BRCA1: variants seen among roughly 807,000 people sequenced by gnomAD.
BRCA1 encodes breast cancer type 1 susceptibility protein.
BRCA1 carries 140 observed loss-of-function variants against 173.7 expected under a neutral mutation model. The observed-to-expected ratio is 0.81, with a 90% CI of 0.70 to 0.93. The LOEUF (loss-of-function observed/expected upper bound fraction) is 0.93. BRCA1 is among the 40% of genes least tolerant of loss of function. The probability of loss-of-function intolerance (pLI) is 0.00; values close to 1 mark genes in which losing one functional copy is unlikely to be tolerated. For missense variants in BRCA1, 1,983 were observed against 2,172.5 expected (o/e 0.91, Z 1.73); for synonymous variants, 662 against 756.0 (o/e 0.88, Z 2.04).
chr17:43,148,627 G>T (rs2056139327), intron 1 of BRCA1: 1 of 152,738 alleles, frequency 6.5e-6, no homozygotes, highest in Non-Finnish European at 1.5e-5. Context: ...GTTAAGGCAG[G>T]AACTGGCTAT....
At chr17:43,076,034 A>G (rs866415401) in intron 13 of BRCA1, among the ~76,000 whole-genome samples, 18 of 151,992 alleles carry the variant, frequency 1.2e-4, no homozygotes, top group Non-Finnish European at 2.2e-4. Context: ...CGGAGGATGC[A>G]GTGAGCCATG....
intron 12 of BRCA1, 98 bp downstream of exon 12, chr17:43,082,306 C>T (rs1180135920): frequency 3.1e-6 from 4 of 1,305,398 alleles, no homozygotes; most frequent in African/African-American, 2.9e-5. Context: ...GAGCAAGGAT[C>T]ATAAAATGTT....
In BRCA1 at chr17:43,100,595, T is replaced by TA. The variant is rs1491092005; in HGVS notation, c.442-716_442-715insT. Among the ~76,000 whole-genome samples, 34 of 61,992 alleles carry TA rather than the reference T, an allele frequency of 5.5e-4. 5 individuals carry two copies. Among genetic ancestry groups the TA allele is most frequent in the African/African-American group, 2.6e-3 (32 of 12,482 alleles). 40.7% of individuals were successfully genotyped at this position (61,992 alleles called of 152,430 possible). On this transcript the variant is annotated intron_variant, in intron 6 of 22. Transcript: ENST00000357654. ...ATAACATATATATAACATATATATA[T>TA]TATATATATATAACATATATATAAC...
At chr17:43,124,323 TCA>T (rs1331283210) in intron 1 of BRCA1, among the ~76,000 whole-genome samples, 1 of 152,220 alleles carries the variant, frequency 6.6e-6, no homozygotes, top group Non-Finnish European at 1.5e-5. Flanking sequence ...CTGAATTTTT[TCA>T]CATATTGCTG....
At chr17:43,077,600 C>T (rs926857987) in intron 12 of BRCA1, among the ~76,000 whole-genome samples, 1 of 151,360 alleles carries the variant, frequency 6.6e-6, no homozygotes, top group Non-Finnish European at 1.5e-5. Context: ...TCCCAAAGTG[C>T]GGGGATTACA....
rs1232678023 is a variant in BRCA1, at chr17:43,045,657, T to C, written c.*21A>G. Reference sequence around the variant, plus strand: ...GCTCATTCTTGGGGTCCTGTGGCTCTGTACCTGTGGCTGGCTGCAGTCAGT... The same window carrying C: ...GCTCATTCTTGGGGTCCTGTGGCTCCGTACCTGTGGCTGGCTGCAGTCAGT... On this transcript the variant is annotated 3_prime_UTR_variant, in exon 23 of 23. Transcript: ENST00000357654. The C allele has an allele frequency of 1.9e-6, 3 of 1,613,716 alleles. No homozygotes were observed. Among genetic ancestry groups the C allele is most frequent in the African/African-American group, 1.3e-5 (1 of 75,056 alleles).
At chr17:43,079,515 G>T in intron 12 of BRCA1, 1 of 1,101,868 alleles carries the variant, frequency 9.1e-7, no homozygotes, top group Non-Finnish European at 1.4e-6. Flanking sequence ...CCAGCATGCT[G>T]TTGGCATCGC....
intron 1 of BRCA1, among the ~76,000 whole-genome samples, chr17:43,157,192 G>A (rs1354468560): frequency 6.6e-6 from 1 of 152,214 alleles, no homozygotes; most frequent in African/African-American, 2.4e-5. Flanking sequence ...TTAGAGTCCA[G>A]CAGAAGGAAT....
intron 18 of BRCA1, among the ~76,000 whole-genome samples, chr17:43,061,308 A>G (rs540411088): frequency 6.6e-6 from 1 of 152,164 alleles, no homozygotes; most frequent in Admixed American, 6.6e-5. Flanking sequence ...AAACGAAAGT[A>G]ATCAACAACC....
chr17:43,147,716 A>G (rs1485293188), intron 1 of BRCA1, among the ~76,000 whole-genome samples: 1 of 152,248 alleles, frequency 6.6e-6, no homozygotes, highest in East Asian at 1.9e-4. Flanking sequence ...CATGAAATAA[A>G]TAATAAATAA....
intron 18 of BRCA1, among the ~76,000 whole-genome samples, chr17:43,058,281 G>A (rs1186170103): frequency 6.6e-6 from 1 of 151,790 alleles, no homozygotes; most frequent in Non-Finnish European, 1.5e-5. Flanking sequence ...AGCTGAAGCT[G>A]GAGGATCACT....
chr17:43,154,352 C>T (rs2056182566), intron 1 of BRCA1, among the ~76,000 whole-genome samples: 1 of 151,946 alleles, frequency 6.6e-6, no homozygotes, highest in South Asian at 2.1e-4. Flanking sequence ...GGCATGGTGG[C>T]AGGCGCCTGT....
chr17:43,056,922 T>C (rs2051486878), intron 19 of BRCA1, 130 bp downstream of exon 19: 1 of 845,392 alleles, frequency 1.2e-6, no homozygotes. Flanking sequence ...AAAGAACCTG[T>C]GTGAAAGTAT....
rs1295353818 is a variant in BRCA1, at chr17:43,091,851, T to C, written c.3680A>G (p.Gln1227Arg). The change falls in exon 10 of 23, where the codon CAA becomes CGA. Residue 1227 changes from glutamine to arginine, a missense_variant. By Grantham distance (43) the Gln-to-Arg change is conservative (BLOSUM62 1). Transcript: ENST00000357654. ...SSEDEELPCF[Q>R]HLLFGKVNNI... ...GTTTACTTTACCAAATAACAAGTGT[T>C]GGAAGCAGGGAAGCTCTTCATCCTC... 6.2e-7 allele frequency: 1 copy of C among 1,614,074 alleles called. No individual in the cohort carries two copies. Among genetic ancestry groups the C allele is most frequent in the Non-Finnish European group, 8.5e-7 (1 of 1,180,036 alleles).
intron 1 of BRCA1, chr17:43,160,042 A>G (rs2056225272): frequency 7.3e-6 from 1 of 137,682 alleles, no homozygotes; most frequent in Admixed American, 7.3e-5. Flanking sequence ...ACCATCCATG[A>G]TTTTTTTTTT....
At chr17:43,085,839 TATAA>T (rs2053208450) in intron 11 of BRCA1, among the ~76,000 whole-genome samples, 1 of 152,174 alleles carries the variant, frequency 6.6e-6, no homozygotes, top group South Asian at 2.1e-4. Flanking sequence ...ATTCATTACA[TATAA>T]ATATATATAT....
Position 43,067,660 on chromosome 17 carries a change from G to A in BRCA1, c.5022C>T (p.Ile1674=), listed in dbSNP as rs786203868. The change falls in exon 16 of 23, where the codon ATC becomes ATT. Residue 1674 remains isoleucine, a synonymous_variant. Transcript: ENST00000357654. ...CTTCAGTAATTAGATTAGTTAAAGT[G>A]ATGTGGTGTTTTCTGGCAAACTTGT... is the stretch of plus-strand genomic sequence containing the variant. ...LVYKFARKHH[I]TLTNLITEET... 23 of 1,613,452 alleles carry A rather than the reference G, an allele frequency of 1.4e-5. No homozygotes were observed. The African/African-American group carries it at 1.7e-4, about 12-fold the overall frequency.
At chr17:43,080,580 G>A (rs1490510782) in intron 12 of BRCA1, among the ~76,000 whole-genome samples, 1 of 152,014 alleles carries the variant, frequency 6.6e-6, no homozygotes, top group South Asian at 2.1e-4. Context: ...TGAGGTGAGA[G>A]GACTGCTTGA....
At chr17:43,109,086 C>T (rs1300399004) in intron 3 of BRCA1, among the ~76,000 whole-genome samples, 1 of 152,192 alleles carries the variant, frequency 6.6e-6, no homozygotes, top group African/African-American at 2.4e-5. Context: ...TCTTGAACTC[C>T]CGACCTCAAG....
Sources: allele counts gnomAD v4.1 joint callset (sites outside exome capture counted in the v4.1 genomes callset), GRCh38; gene constraint gnomAD v4.1.1; transcripts MANE v1.5; gene names NCBI Gene and HGNC (gene_info 2026-07-23, HGNC 2026-07-21).